Variants in FSTL5 observed in about 807,000 individuals in gnomAD.
The protein encoded by FSTL5 is follistatin like 5, also known as follistatin-related protein 5.
In FSTL5, 62 loss-of-function variants were observed where a neutral mutation model predicts 89.1. That is an observed-to-expected ratio of 0.70 (90% CI 0.57 to 0.86). The LOEUF is 0.86. Ranked by LOEUF, FSTL5 falls within the 40% of genes least tolerant of loss-of-function variation. The pLI is 0.00. For missense variants in FSTL5, 1,057 were observed against 1,001.6 expected (o/e 1.06, Z -0.75); for synonymous variants, 383 against 346.2 (o/e 1.11, Z -1.18).
rs543606690 is a variant in FSTL5 at position 161,960,300 on chromosome 4, A to G, written c.161-39648T>C. On this transcript the variant is annotated intron_variant, in intron 3 of 15. Transcript: ENST00000306100. Reference sequence around the variant, plus strand: ...TCCTGCCTCAGTCTTCCAAGTAGCTAGGATTATAGGCATGTGGCACCATGC... The same window carrying G: ...TCCTGCCTCAGTCTTCCAAGTAGCTGGGATTATAGGCATGTGGCACCATGC... Among the ~76,000 whole-genome samples the G allele has an allele frequency of 1.5e-4, 23 of 151,122 alleles. No individual in the cohort carries two copies. In the East Asian group the frequency reaches 4.3e-3, roughly 28 times the overall value.
intron 4 of FSTL5, among the ~76,000 whole-genome samples, chr4:161,837,091 G>A (rs969866997): frequency 2.0e-5 from 3 of 152,082 alleles, no homozygotes; most frequent in Non-Finnish European, 4.4e-5. Context: ...GCAGTGATAG[G>A]TGAAGCCATA....
At chr4:161,596,917 A>G (rs572991030) in intron 7 of FSTL5, among the ~76,000 whole-genome samples, 16 of 152,044 alleles carry the variant, frequency 1.1e-4, no homozygotes, top group Non-Finnish European at 1.9e-4. Flanking sequence ...TCCTTTGTAG[A>G]TTCTGGATAT....
At chr4:161,608,217 A>T (rs1734518531) in intron 7 of FSTL5, among the ~76,000 whole-genome samples, 1 of 152,140 alleles carries the variant, frequency 6.6e-6, no homozygotes, top group African/African-American at 2.4e-5. Flanking sequence ...GAAGACTCTT[A>T]ATCATAAGGA....
chr4:161,539,871 A>G (rs1035025427), intron 9 of FSTL5, among the ~76,000 whole-genome samples: 15 of 149,190 alleles, frequency 1.0e-4, no homozygotes, highest in Non-Finnish European at 1.8e-4. Flanking sequence ...TTCTTGTTTT[A>G]TATAAGATAC....
At chr4:161,979,020 TC>T (rs1735741580) in intron 3 of FSTL5, among the ~76,000 whole-genome samples, 1 of 152,136 alleles carries the variant, frequency 6.6e-6, no homozygotes, top group Admixed American at 6.5e-5. Flanking sequence ...AATGTGAATA[TC>T]CCAATGTCCA....
intron 7 of FSTL5, among the ~76,000 whole-genome samples, chr4:161,607,106 T>A (rs1295952766): frequency 6.6e-6 from 1 of 152,134 alleles, no homozygotes; most frequent in Non-Finnish European, 1.5e-5. Flanking sequence ...TCACAAACAG[T>A]GCGCTAACCC....
intron 11 of FSTL5, among the ~76,000 whole-genome samples, chr4:161,505,733 C>T (rs1483178935): frequency 6.6e-6 from 1 of 151,800 alleles, no homozygotes; most frequent in Non-Finnish European, 1.5e-5. Flanking sequence ...AAGCCAATGT[C>T]ATTATATACT....
At chr4:161,587,780 C>A (rs1733667484) in intron 7 of FSTL5, among the ~76,000 whole-genome samples, 1 of 152,138 alleles carries the variant, frequency 6.6e-6, no homozygotes, top group Non-Finnish European at 1.5e-5. Flanking sequence ...AGCATCATAT[C>A]ACTCATAAAT....
At chr4:161,454,892 C>A (rs1442766294) in intron 15 of FSTL5, 112 bp downstream of exon 15, 2 of 949,662 alleles carry the variant, frequency 2.1e-6, no homozygotes, top group South Asian at 1.5e-5. Context: ...AAAGCAAGTT[C>A]AATTGTACAT....
intron 4 of FSTL5, among the ~76,000 whole-genome samples, chr4:161,812,564 T>C (rs1469542441): frequency 1.3e-5 from 2 of 151,918 alleles, no homozygotes; most frequent in Non-Finnish European, 2.9e-5. Context: ...CCACATGTGG[T>C]TCTAATTAAG....
rs573316337 is a variant in FSTL5, at chr4:161,551,156, C to T, written c.1016-8463G>A. Among the ~76,000 whole-genome samples, 3 of 151,304 alleles carry T rather than the reference C, an allele frequency of 2.0e-5. No individual in the cohort carries two copies. In the South Asian group the frequency reaches 6.3e-4, roughly 32 times the overall value. On this transcript the variant is annotated intron_variant, in intron 8 of 15. Transcript: ENST00000306100. ...TAGTTCTAGATCCCTGAGGAATCGC[C>T]ACACTGACTTCCACAATGGTTGAAC...
rs185906496 is a variant in FSTL5, at chr4:161,492,430, T to C, written c.1458+7586A>G. 1.4e-4 allele frequency among the ~76,000 whole-genome samples: 21 copies of C among 151,030 alleles called. No homozygotes were observed. The East Asian group carries it at 4.0e-3, about 29-fold the overall frequency. On this transcript the variant is annotated intron_variant, in intron 12 of 15. Transcript: ENST00000306100. ...GCCAGAAACATAAATGTTATGTATG[T>C]CTATTATTAACTTTTAGTATAACTT... is the stretch of plus-strand genomic sequence containing the variant.
At chr4:161,479,535 CT>C (rs1729425221) in intron 13 of FSTL5, among the ~76,000 whole-genome samples, 1 of 152,068 alleles carries the variant, frequency 6.6e-6, no homozygotes, top group South Asian at 2.1e-4. Flanking sequence ...AAAATGAATG[CT>C]TGTCATTTGT....
intron 4 of FSTL5, among the ~76,000 whole-genome samples, chr4:161,878,151 GA>G (rs1232431030): frequency 6.6e-6 from 1 of 152,068 alleles, no homozygotes; most frequent in East Asian, 1.9e-4. Context: ...GTAACATCTG[GA>G]ATATTACTTA....
intron 4 of FSTL5, among the ~76,000 whole-genome samples, chr4:161,884,423 A>G (rs1309180772): frequency 6.6e-6 from 1 of 152,196 alleles, no homozygotes; most frequent in Non-Finnish European, 1.5e-5. Flanking sequence ...GAATACTGCA[A>G]GTATTAAAAG....
At chr4:162,160,664 TAAATGGTC>T (rs892675916) in intron 1 of FSTL5, among the ~76,000 whole-genome samples, 30 of 151,870 alleles carry the variant, frequency 2.0e-4, no homozygotes, top group African/African-American at 7.2e-4. Flanking sequence ...ATATTATTTT[TAAATGGTC>T]ATTATTCAAA....
chr4:161,829,073 G>C (rs1316825269), intron 4 of FSTL5, among the ~76,000 whole-genome samples: 2 of 149,112 alleles, frequency 1.3e-5, no homozygotes, highest in Non-Finnish European at 3.0e-5. Flanking sequence ...GAATTTATGA[G>C]ATACTTGATA....
At chr4:161,948,258 G>C (rs1188536302) in intron 3 of FSTL5, among the ~76,000 whole-genome samples, 1 of 140,396 alleles carries the variant, frequency 7.1e-6, no homozygotes, top group Admixed American at 7.5e-5. Context: ...ATGCCAGCAT[G>C]AGCAACAGAG....
At chr4:161,446,235 CT>C (rs1732941793) in intron 15 of FSTL5, among the ~76,000 whole-genome samples, 1 of 151,966 alleles carries the variant, frequency 6.6e-6, no homozygotes, top group Admixed American at 6.6e-5. Flanking sequence ...TTAAATTAAT[CT>C]TGCTTTTATG....
Sources: gnomAD v4.1 joint callset for allele counts (sites outside exome capture counted in the v4.1 genomes callset) on GRCh38, gnomAD v4.1.1 for gene constraint, MANE v1.5 for transcripts, NCBI Gene and HGNC (gene_info 2026-07-23, HGNC 2026-07-21) for gene names.